The following PTPRJ variants were observed in gnomAD, a reference collection of about 807,000 sequenced individuals.
The protein encoded by PTPRJ is receptor-type tyrosine-protein phosphatase eta.
In PTPRJ, 129 loss-of-function variants were observed where a neutral mutation model predicts 141.3. The observed-to-expected ratio is 0.91, with a 90% CI of 0.79 to 1.06. PTPRJ has a LOEUF of 1.06. Among genes scored for constraint, PTPRJ ranks in the 50% least tolerant of loss-of-function variants. PTPRJ has a pLI of 0.00. For missense variants in PTPRJ, 1,601 were observed against 1,679.7 expected, an observed-to-expected ratio of 0.95 and a Z score of 0.82; for synonymous variants, 610 against 640.5, an observed-to-expected ratio of 0.95 and a Z score of 0.72.
chr11:48,021,396 TAAATAAATAAATAAATAAATAAATA>T (rs1855116912), intron 1 of PTPRJ, among the ~76,000 whole-genome samples: 1 of 118,464 alleles, frequency 8.4e-6, no homozygotes. Flanking sequence ...AATAAATAAA[TAAATAAATAAATAAATAAATAAATA>T]AAATAAAATA....
chr11:48,107,281 C>A (rs1490039899), intron 1 of PTPRJ, among the ~76,000 whole-genome samples: 1 of 151,714 alleles, frequency 6.6e-6, no homozygotes, highest in Non-Finnish European at 1.5e-5. Flanking sequence ...AGAAAGAGTT[C>A]GACTTATCAG....
intron 3 of PTPRJ, among the ~76,000 whole-genome samples, chr11:48,119,799 C>T (rs1377768983): frequency 1.3e-5 from 2 of 152,188 alleles, no homozygotes; most frequent in Admixed American, 6.5e-5. Context: ...GTAACACTTA[C>T]ACCATCTTTA....
At chr11:48,084,403 C>T (rs758810166) in intron 1 of PTPRJ, among the ~76,000 whole-genome samples, 15 of 152,108 alleles carry the variant, frequency 9.9e-5, no homozygotes, top group African/African-American at 3.1e-4. Context: ...AGGCTTGTCT[C>T]GAACTCCTGA....
intron 10 of PTPRJ, 34 bp downstream of exon 10, chr11:48,137,315 C>A: frequency 6.3e-7 from 1 of 1,596,850 alleles, no homozygotes; most frequent in Non-Finnish European, 8.5e-7. Context: ...TTGGACTCCT[C>A]CCTGAGTGGT....
chr11:48,121,293 T>C (rs1164240736), intron 4 of PTPRJ, 27 bp downstream of exon 4: 1 of 1,608,124 alleles, frequency 6.2e-7, no homozygotes, highest in South Asian at 1.1e-5. Context: ...CCAGGGATGA[T>C]GACAAACCAT....
chr11:48,161,309 A>C (rs776422342), intron 22 of PTPRJ, among the ~76,000 whole-genome samples: 1 of 152,182 alleles, frequency 6.6e-6, no homozygotes, highest in Non-Finnish European at 1.5e-5. Flanking sequence ...AATAGTGCAT[A>C]AAAGGAAAGC....
Position 48,161,706 on chromosome 11 carries a change from G to A in PTPRJ, c.3558+1657G>A, listed in dbSNP as rs139171882. 9.9e-3 allele frequency among the ~76,000 whole-genome samples: 1,504 copies of A among 151,934 alleles called. 31 individuals are homozygous for A. Among genetic ancestry groups the A allele is most frequent in the African/African-American group, 0.034 (1,409 of 41,412 alleles). On this transcript the variant is annotated intron_variant, in intron 22 of 24. Transcript: ENST00000418331. ...CAGCTCACTGCAACCTCTGCCTCTCGGGTCCAAGTGATTCTCCTGCCTCAG... is the reference window on the plus strand; with the variant it reads ...CAGCTCACTGCAACCTCTGCCTCTCAGGTCCAAGTGATTCTCCTGCCTCAG...
At chr11:47,996,835 A>G (rs1250893958) in intron 1 of PTPRJ, among the ~76,000 whole-genome samples, 1 of 152,166 alleles carries the variant, frequency 6.6e-6, no homozygotes, top group Non-Finnish European at 1.5e-5. Flanking sequence ...ATCGTTGGAG[A>G]TGGGGGTGCA....
intron 1 of PTPRJ, chr11:48,044,830 A>G (rs763194685): frequency 6.6e-6 from 1 of 152,246 alleles, no homozygotes; most frequent in Non-Finnish European, 1.5e-5. Flanking sequence ...GGCCTTGTTC[A>G]CTGCTGTGTG....
At chr11:48,114,823 G>T (rs1265452470) in intron 3 of PTPRJ, among the ~76,000 whole-genome samples, 2 of 152,156 alleles carry the variant, frequency 1.3e-5, no homozygotes. Flanking sequence ...AGAATTCAAA[G>T]AAATGAGGAA....
chr11:48,147,495 C>T (rs1686620079), intron 15 of PTPRJ, among the ~76,000 whole-genome samples: 1 of 152,176 alleles, frequency 6.6e-6, no homozygotes, highest in African/African-American at 2.4e-5. Context: ...AGTAGCAGCC[C>T]TGTTTTGAGT....
chr11:48,052,016 T>A (rs149807579), intron 1 of PTPRJ, among the ~76,000 whole-genome samples: 212 of 152,334 alleles, frequency 1.4e-3, no homozygotes, highest in Middle Eastern at 6.8e-3. Context: ...AGATCGATGA[T>A]GATGATGATG....
At chr11:48,084,830 G>C (rs1855654790) in intron 1 of PTPRJ, among the ~76,000 whole-genome samples, 1 of 152,020 alleles carries the variant, frequency 6.6e-6, no homozygotes, top group South Asian at 2.1e-4. Flanking sequence ...CCTTTTTCAG[G>C]TTCATGTTTG....
chr11:48,062,950 C>T (rs867288823), intron 1 of PTPRJ, among the ~76,000 whole-genome samples: 4 of 152,278 alleles, frequency 2.6e-5, no homozygotes, highest in South Asian at 4.1e-4. Context: ...AAGGTAAGAG[C>T]AGATTTGTAT....
intron 1 of PTPRJ, among the ~76,000 whole-genome samples, chr11:48,020,496 G>A (rs182012532): frequency 9.1e-4 from 139 of 152,214 alleles, no homozygotes; most frequent in Admixed American, 5.6e-3. Context: ...AGTTCCCTGG[G>A]CTTGTGAGAA....
intron 14 of PTPRJ, among the ~76,000 whole-genome samples, chr11:48,146,197 A>G (rs1349704912): frequency 6.6e-6 from 1 of 152,182 alleles, no homozygotes; most frequent in Non-Finnish European, 1.5e-5. Flanking sequence ...CCAGGGTTAC[A>G]CGATGGCTTT....
rs1323727928 is a variant in PTPRJ at position 48,158,465 on chromosome 11, G to A, written c.3439-1465G>A. Among the ~76,000 whole-genome samples, 7 of 152,170 alleles carry A rather than the reference G, an allele frequency of 4.6e-5. No homozygotes were observed. The highest frequency in any genetic ancestry group is 8.8e-5 in the Non-Finnish European group (6 of 68,038). ...ATGATTTCATAGATGAGGTAACTGAGGCTTGGGGAGTTTAAGAACTTGCCC... is the reference window on the plus strand; with the variant it reads ...ATGATTTCATAGATGAGGTAACTGAAGCTTGGGGAGTTTAAGAACTTGCCC... On this transcript the variant is annotated intron_variant, in intron 21 of 24. Coordinates refer to ENST00000418331, the MANE Select transcript of PTPRJ (RefSeq NM_002843.4). The surrounding 1 kb of genome is among the most constrained non-coding windows in gnomAD (Gnocchi z 4.4).
intron 3 of PTPRJ, among the ~76,000 whole-genome samples, chr11:48,120,736 C>G (rs76419214): frequency 6.6e-6 from 1 of 152,280 alleles, no homozygotes; most frequent in East Asian, 1.9e-4. Context: ...TCTATACAGA[C>G]TTAACCCCAT....
In PTPRJ at chr11:47,992,011, C is replaced by T. The variant is rs1854205961; in HGVS notation, c.96+11003C>T. Among the ~76,000 whole-genome samples, 5 of 152,236 alleles carry T rather than the reference C, an allele frequency of 3.3e-5. No homozygotes were observed. The South Asian group carries it at 1.0e-3, about 32-fold the overall frequency. ...TACTGTAGTTTACAAGGCCCTTTCA[C>T]ATATATGAGCTTGTTCAATCCTCAC... On this transcript the variant is annotated intron_variant, in intron 1 of 24. Coordinates refer to ENST00000418331, the MANE Select transcript of PTPRJ (RefSeq NM_002843.4).
Sources: gnomAD v4.1 joint callset for allele counts (sites outside exome capture counted in the v4.1 genomes callset) on GRCh38, gnomAD v4.1.1 for gene constraint, Gnocchi (gnomAD v3.1) non-coding constraint, MANE v1.5 for transcripts, NCBI Gene and HGNC (gene_info 2026-07-23, HGNC 2026-07-21) for gene names.